Variants in MSL2 observed in about 807,000 individuals in gnomAD.
MSL2 encodes the protein MSL complex subunit 2, also known as E3 ubiquitin-protein ligase MSL2.
In MSL2, 2 loss-of-function variants were observed where a neutral mutation model predicts 35.8. The observed-to-expected ratio is 0.06, with a 90% CI of 0.02 to 0.18. MSL2 has a LOEUF of 0.18. Ranked by LOEUF, MSL2 falls within the 10% of genes least tolerant of loss-of-function variation. The pLI, the probability that MSL2 is intolerant of heterozygous loss-of-function variation, is 1.00. For missense variants in MSL2, 523 were observed against 706.7 expected (o/e 0.74, Z 2.95); for synonymous variants, 296 against 255.7 (o/e 1.16, Z -1.50).
intron 1 of MSL2, among the ~76,000 whole-genome samples, chr3:136,174,830 T>G (rs1181376660): frequency 6.6e-6 from 1 of 152,204 alleles, no homozygotes; most frequent in Non-Finnish European, 1.5e-5. Flanking sequence ...TCAGAAACCT[T>G]AATATGTATA....
intron 1 of MSL2, among the ~76,000 whole-genome samples, chr3:136,193,956 T>C (rs1940761908): frequency 6.6e-6 from 1 of 152,210 alleles, no homozygotes; most frequent in African/African-American, 2.4e-5. Context: ...CAAATGAATA[T>C]TATTTCTCCC....
At chr3:136,184,838 A>C (rs1384026982) in intron 1 of MSL2, among the ~76,000 whole-genome samples, 2 of 151,770 alleles carry the variant, frequency 1.3e-5, no homozygotes, top group East Asian at 3.9e-4. Flanking sequence ...CCAATCTCTC[A>C]AATCTAGCCA....
chr3:136,183,459 GC>G (rs1342209462), intron 1 of MSL2, among the ~76,000 whole-genome samples: 1 of 151,974 alleles, frequency 6.6e-6, no homozygotes, highest in Non-Finnish European at 1.5e-5. Flanking sequence ...GTCTCACTCT[GC>G]CACCCAGGCT....
intron 1 of MSL2, among the ~76,000 whole-genome samples, chr3:136,184,648 C>G (rs566253587): frequency 6.6e-6 from 1 of 150,496 alleles, no homozygotes; most frequent in Non-Finnish European, 1.5e-5. Flanking sequence ...TTCTGAACAA[C>G]CTCCAGCGTA....
intron 1 of MSL2, among the ~76,000 whole-genome samples, chr3:136,180,751 A>AGGG (rs1940317342): frequency 1.1e-5 from 1 of 89,822 alleles, no homozygotes; most frequent in African/African-American, 4.4e-5. Context: ...GAGAGGAGGG[A>AGGG]AGGAGGGAAG....
chr3:136,180,792 G>GGGAAGGAAGGAAGGAA, intron 1 of MSL2, among the ~76,000 whole-genome samples: 1 of 37,736 alleles, frequency 2.6e-5, no homozygotes, highest in African/African-American at 1.0e-4. Context: ...GAGGGAGGGA[G>GGGAAGGAAGGAAGGAA]GGAGGGAGGG....
chr3:136,162,403 A>G (rs769821295), intron 1 of MSL2, among the ~76,000 whole-genome samples: 6 of 151,886 alleles, frequency 4.0e-5, no homozygotes, highest in Non-Finnish European at 8.8e-5. Context: ...GCAATATGGC[A>G]AAACCCCATC....
At chr3:136,162,232 G>A (rs903706528) in intron 1 of MSL2, among the ~76,000 whole-genome samples, 10 of 150,424 alleles carry the variant, frequency 6.6e-5, no homozygotes, top group African/African-American at 2.4e-4. Context: ...CACAACACCT[G>A]GCCCTATATA....
intron 1 of MSL2, among the ~76,000 whole-genome samples, chr3:136,162,925 A>G (rs1043041323): frequency 6.6e-6 from 1 of 151,004 alleles, no homozygotes; most frequent in Non-Finnish European, 1.5e-5. Flanking sequence ...GTGTTAGTGC[A>G]TACCGTGGGA....
At chr3:136,193,071 C>T (rs952095388) in intron 1 of MSL2, among the ~76,000 whole-genome samples, 1 of 152,122 alleles carries the variant, frequency 6.6e-6, no homozygotes, top group African/African-American at 2.4e-5. Context: ...TAAGAAAGCC[C>T]TGTCAGAAAA....
chr3:136,169,458 G>GA lies in MSL2; in HGVS notation c.143-16721_143-16720insT, dbSNP rs1939955708. ...TTTTGGTGGGTTGTTTGTTTTTTGT[G>GA]TTTTTTTTGAGACGCAGTCTCACTC... On this transcript the variant is annotated intron_variant, in intron 1 of 1. Coordinates refer to ENST00000309993, the MANE Select transcript of MSL2 (RefSeq NM_018133.4). 4.0e-5 allele frequency among the ~76,000 whole-genome samples: 6 copies of GA among 151,666 alleles called. No homozygotes were observed. In the South Asian group the frequency reaches 1.3e-3, roughly 32 times the overall value.
At position 136,195,892 on chromosome 3, in the gene MSL2, C is replaced by T; in HGVS notation, c.-779G>A. 1 of 886,882 alleles carries T rather than the reference C, an allele frequency of 1.1e-6. No homozygotes were observed. Among genetic ancestry groups the T allele is most frequent in the Non-Finnish European group, 1.3e-6 (1 of 741,456 alleles). 54.9% of individuals were successfully genotyped at this position (886,882 alleles called of 1,614,324 possible). A position where few individuals can be genotyped will look rare whatever the true frequency, so the allele number is the denominator to read the frequency against. Reference sequence around the variant, plus strand: ...GGGAGGGGGCGGGGGGCAAGCCCGGCCGGGCCGCGGCGGCGCCCCTCGCGC... The same window carrying T: ...GGGAGGGGGCGGGGGGCAAGCCCGGTCGGGCCGCGGCGGCGCCCCTCGCGC... On this transcript the variant is annotated 5_prime_UTR_variant, in exon 1 of 2. Coordinates refer to ENST00000309993, the MANE Select transcript of MSL2 (RefSeq NM_018133.4).
chr3:136,151,219 C>A lies in MSL2; in HGVS notation c.1662G>T (p.Thr554=). ...CATGTGTACTGGCAGCTAAAAACGT[C>A]GTTACTGGGGACCCTGTGACATTTA... ...SVINVTGSPV[T]TFLAASTHDD... Residue 554 remains threonine, a synonymous_variant, in exon 2 of 2, where the codon ACG becomes ACT. Coordinates refer to ENST00000309993, the MANE Select transcript of MSL2 (RefSeq NM_018133.4). This position sits in a 1 kb window ranked among gnomAD's most constrained non-coding sequence, Gnocchi z 5.2. 1 of 1,614,178 alleles carries A rather than the reference C, an allele frequency of 6.2e-7. No homozygotes were observed. Among genetic ancestry groups the A allele is most frequent in the African/African-American group, 1.3e-5 (1 of 75,054 alleles).
chr3:136,190,272 A>C (rs1194485335), intron 1 of MSL2, among the ~76,000 whole-genome samples: 1 of 152,160 alleles, frequency 6.6e-6, no homozygotes, highest in Non-Finnish European at 1.5e-5. Flanking sequence ...ACAGGTGACC[A>C]ATAAAGAAAT....
At chr3:136,181,922 AAAT>A (rs1467349349) in intron 1 of MSL2, among the ~76,000 whole-genome samples, 1 of 13,158 alleles carries the variant, frequency 7.6e-5, no homozygotes, top group Non-Finnish European at 1.8e-4. Flanking sequence ...CTGTCTCAAA[AAAT>A]AAATAAATAA....
chr3:136,189,057 T>C lies in MSL2; in HGVS notation c.142+5915A>G, dbSNP rs372392548. Among the ~76,000 whole-genome samples, 382 of 121,036 alleles carry C rather than the reference T, an allele frequency of 3.2e-3. 5 individuals are homozygous for C. Among genetic ancestry groups the C allele is most frequent in the African/African-American group, 0.011 (334 of 30,748 alleles). The allele number at this position is 121,036 out of a possible 152,430, so 79.4% of individuals were successfully genotyped here. ...TAGATTTTTCTTAGGAGATTTTCCT[T>C]AGGAAAAGAGATCATACAAGCCTGG... is the stretch of plus-strand genomic sequence containing the variant. On this transcript the variant is annotated intron_variant, in intron 1 of 1. Transcript: ENST00000309993.
chr3:136,148,978 T>C lies in MSL2; in HGVS notation c.*2169A>G, dbSNP rs925484700. ...GGTGTAATACAGGTTTCCAAAAATG[T>C]GGCAGTGAGAATACCAGCATAAAAA... On this transcript the variant is annotated 3_prime_UTR_variant, in exon 2 of 2. Coordinates refer to ENST00000309993, the MANE Select transcript of MSL2 (RefSeq NM_018133.4). 2.0e-5 allele frequency: 3 copies of C among 152,528 alleles called. No homozygotes were observed. Among genetic ancestry groups the C allele is most frequent in the East Asian group, 1.9e-4 (1 of 5,198 alleles). The allele number at this position is 152,528 out of a possible 1,614,324, so 9.4% of individuals were successfully genotyped here. A position where few individuals can be genotyped will look rare whatever the true frequency, so the allele number is the denominator to read the frequency against.
chr3:136,151,749 T>C lies in MSL2; in HGVS notation c.1132A>G (p.Ser378Gly). Residue 378 changes from serine to glycine, a missense_variant, in exon 2 of 2, where the codon AGC becomes GGC. This residue lies in a region of MSL2 where 361 missense variants were observed against 414.6 expected (regional missense o/e 0.87). Transcript: ENST00000309993. The surrounding 1 kb of genome is among the most constrained non-coding windows in gnomAD (Gnocchi z 5.2). ...GCTATAGGTTGAAGAGAAATTTTGC[T>C]CTCCCGTTTCACTGTCACAGGAGCA... ...ASAPVTVKRESKISLQPIATV... is the reference protein window; with the variant it reads ...ASAPVTVKREGKISLQPIATV... 6.2e-7 allele frequency: 1 copy of C among 1,614,192 alleles called. No homozygotes were observed. Among genetic ancestry groups the C allele is most frequent in the Non-Finnish European group, 8.5e-7 (1 of 1,180,040 alleles).
rs763635613 is a variant in MSL2 at position 136,152,522 on chromosome 3, A to C, written c.359T>G (p.Ile120Arg). ...ITQTTLARDI[I>R]EAVDCSSDIL... is the part of the protein sequence containing the mutation. The stretch of plus-strand genomic sequence containing the variant: ...ATCAGAAGAACAGTCAACTGCTTCT[A>C]TTATATCCCGTGCCAGTGTAGTCTG... Residue 120 changes from isoleucine to arginine, a missense_variant, in exon 2 of 2, where the codon ATA becomes AGA. Physicochemically the swap from Ile to Arg is moderately conservative, Grantham distance 97. Coordinates refer to ENST00000309993, the MANE Select transcript of MSL2 (RefSeq NM_018133.4). 3.7e-6 allele frequency: 6 copies of C among 1,614,204 alleles called. No homozygotes were observed. In the South Asian group the frequency reaches 6.6e-5, roughly 18 times the overall value.
Sources: gnomAD v4.1 joint callset for allele counts (sites outside exome capture counted in the v4.1 genomes callset) on GRCh38, gnomAD v4.1.1 for gene constraint, gnomAD v4.1.1 regional missense constraint, Gnocchi (gnomAD v3.1) non-coding constraint, MANE v1.5 for transcripts, NCBI Gene and HGNC (gene_info 2026-07-23, HGNC 2026-07-21) for gene names.